The following ANK1 variants were observed in gnomAD, a reference collection of about 807,000 sequenced individuals.
The protein encoded by ANK1 is ankyrin 1, also known as ankyrin-1.
A neutral mutation model predicts 210.4 loss-of-function variants in ANK1; 51 were observed. The observed-to-expected ratio is 0.24, with a 90% CI of 0.19 to 0.31. The LOEUF (loss-of-function observed/expected upper bound fraction) is 0.31, where lower values mean the gene tolerates loss of function less well. Ranked by LOEUF, ANK1 falls within the 10% of genes least tolerant of loss-of-function variation. The pLI is 1.00. For synonymous variants in ANK1, 967 were observed against 1,025.9 expected (o/e 0.94, Z 1.10); for missense variants, 2,051 against 2,504.4 (o/e 0.82, Z 3.86).
intron 20 of ANK1, among the ~76,000 whole-genome samples, chr8:41,702,998 G>GT (rs1330200210): frequency 6.8e-6 from 1 of 146,580 alleles, no homozygotes; most frequent in East Asian, 2.0e-4. Flanking sequence ...TTTTTTTTTT[G>GT]TATTTTTAGT....
chr8:41,729,643 A>C (rs990718465), intron 3 of ANK1, among the ~76,000 whole-genome samples: 4 of 152,242 alleles, frequency 2.6e-5, no homozygotes, highest in Non-Finnish European at 5.9e-5. Context: ...CTGGTATTAC[A>C]GGCATGGGCC....
At chr8:41,722,308 C>T (rs11991026) in intron 9 of ANK1, among the ~76,000 whole-genome samples, 2,085 of 152,366 alleles carry the variant, frequency 0.014, 54 homozygotes, top group African/African-American at 0.047. Flanking sequence ...CCCAAATTAA[C>T]GACAGCTCTA....
intron 37 of ANK1, among the ~76,000 whole-genome samples, chr8:41,681,099 C>T (rs1352564853): frequency 6.6e-6 from 1 of 152,226 alleles, no homozygotes; most frequent in African/African-American, 2.4e-5. Flanking sequence ...AATAATCGTC[C>T]TGCTAGCTTA....
Position 41,704,131 on chromosome 8 carries a change from G to A in ANK1, c.2205C>T (p.Tyr735=), listed in dbSNP as rs1172440862. ...GCTGGGCTGCCTGGTGCAGGGGGCT[G>A]TATCCTAGCTGCAAAGTGAGCAGAC... ...ADVNAKTKLG[Y]SPLHQAAQQG... The change falls in exon 20 of 43, where the codon TAC becomes TAT. Residue 735 remains tyrosine (Y), a synonymous_variant. Coordinates refer to ENST00000289734, the MANE Select transcript of ANK1 (RefSeq NM_000037.4). The surrounding 1 kb of genome is among the most constrained non-coding windows in gnomAD (Gnocchi z 4.1). 1 of 1,613,896 alleles carries A rather than the reference G, an allele frequency of 6.2e-7. No homozygotes were observed. The highest frequency in any genetic ancestry group is 1.7e-5 in the Admixed American group (1 of 60,028).
At chr8:41,882,845 A>C (rs1381304178) in intron 1 of ANK1, among the ~76,000 whole-genome samples, 1 of 152,348 alleles carries the variant, frequency 6.6e-6, no homozygotes, top group East Asian at 1.9e-4. Flanking sequence ...CCACAGAGGA[A>C]GATGGCTGTG....
chr8:41,854,538 G>C (rs1811829915), intron 1 of ANK1, among the ~76,000 whole-genome samples: 1 of 152,158 alleles, frequency 6.6e-6, no homozygotes, highest in South Asian at 2.1e-4. Context: ...TCACCATAAT[G>C]CTTCGGTGAG....
intron 42 of ANK1, among the ~76,000 whole-genome samples, chr8:41,660,223 T>C (rs1563323780): frequency 6.6e-6 from 1 of 152,094 alleles, no homozygotes; most frequent in Non-Finnish European, 1.5e-5. Context: ...GCCAGTCCTC[T>C]TTTTTGCCCA....
intron 1 of ANK1, among the ~76,000 whole-genome samples, chr8:41,833,929 C>A (rs1807137670): frequency 6.6e-6 from 1 of 152,164 alleles, no homozygotes; most frequent in Non-Finnish European, 1.5e-5. Context: ...AGAGGTCAGC[C>A]AGGAAGAGGC....
chr8:41,716,961 T>C lies in ANK1; in HGVS notation c.1396A>G (p.Lys466Glu). The change falls in exon 13 of 43, where the codon AAG becomes GAG. Residue 466 changes from lysine to glutamate, a missense_variant. By Grantham distance (56) the Lys-to-Glu change is moderately conservative. Coordinates refer to ENST00000289734, the MANE Select transcript of ANK1 (RefSeq NM_000037.4). ...LLQNKAKVNA[K>E]AKDDQTPLHC... ...CTGCCTTCACTACTCACCTTGGCCTTGGCATTGACTTTGGCTTTGTTCTGG... is the reference window on the plus strand; with the variant it reads ...CTGCCTTCACTACTCACCTTGGCCTCGGCATTGACTTTGGCTTTGTTCTGG... 6.2e-7 allele frequency: 1 copy of C among 1,614,116 alleles called. No homozygotes were observed. The highest frequency in any genetic ancestry group is 8.5e-7 in the Non-Finnish European group (1 of 1,180,026).
intron 4 of ANK1, among the ~76,000 whole-genome samples, chr8:41,727,701 C>T (rs1586508700): frequency 6.6e-6 from 1 of 152,312 alleles, no homozygotes; most frequent in East Asian, 1.9e-4. Flanking sequence ...AATTCAACCC[C>T]GTCATGCTTA....
At chr8:41,896,664 G>T (rs1013589774) in exon 1 of ANK1, 1 of 727,004 alleles carries the variant, frequency 1.4e-6, no homozygotes, top group Non-Finnish European at 1.8e-6. Flanking sequence ...CGCGGAGGGC[G>T]AGGGGCGGCT....
In ANK1 at chr8:41,794,865, T is replaced by C. The variant is rs184749162; in HGVS notation, c.27+2647A>G. On this transcript the variant is annotated intron_variant, in intron 1 of 42. Coordinates refer to ENST00000289734, the MANE Select transcript of ANK1 (RefSeq NM_000037.4). ...GACTACAGGCACACGCCACCACGCC[T>C]GGCTAATTTTTTTTATTTTTAACAG... Among the ~76,000 whole-genome samples, 150 of 152,232 alleles carry C rather than the reference T, an allele frequency of 9.9e-4. 2 individuals are homozygous for C. The East Asian group carries it at 0.027, about 28-fold the overall frequency.
chr8:41,724,724 T>C (rs908507142), intron 6 of ANK1, among the ~76,000 whole-genome samples, 170 bp from the exon 7 acceptor site: 20 of 152,136 alleles, frequency 1.3e-4, no homozygotes, highest in African/African-American at 4.6e-4. Context: ...TATGGCACAG[T>C]GTATTCAAAA....
intron 1 of ANK1, among the ~76,000 whole-genome samples, chr8:41,814,831 T>C (rs1803075415): frequency 6.6e-6 from 1 of 152,276 alleles, no homozygotes; most frequent in East Asian, 1.9e-4. Flanking sequence ...AGGAATTGCA[T>C]GTAATAACGT....
chr8:41,831,639 C>CAAAAAAAAAAAAAAAAAAA (rs143137281), intron 1 of ANK1, among the ~76,000 whole-genome samples: 1 of 58,444 alleles, frequency 1.7e-5, no homozygotes, highest in Non-Finnish European at 3.5e-5. Context: ...AAAAGTCTGT[C>CAAAAAAAAAAAAAAAAAAA]AAAAAAAAAA....
At chr8:41,727,876 A>T (rs1161947305) in intron 4 of ANK1, 32 bp downstream of exon 4, 1 of 1,609,578 alleles carries the variant, frequency 6.2e-7, no homozygotes, top group South Asian at 1.1e-5. Flanking sequence ...TGGAAAGGCA[A>T]CACCCTCTAG....
chr8:41,875,635 G>C (rs1044679888), intron 1 of ANK1, among the ~76,000 whole-genome samples: 9 of 152,192 alleles, frequency 5.9e-5, no homozygotes, highest in African/African-American at 1.9e-4. Context: ...CCAGGGATGC[G>C]TGAGTGATGA....
chr8:41,721,855 GAA>G (rs1311828863), intron 9 of ANK1, among the ~76,000 whole-genome samples: 4 of 152,086 alleles, frequency 2.6e-5, no homozygotes, highest in Non-Finnish European at 5.9e-5. Flanking sequence ...GTTCCCAATT[GAA>G]AAGTCACATA....
intron 42 of ANK1, among the ~76,000 whole-genome samples, chr8:41,659,908 C>T (rs969753616): frequency 6.6e-6 from 1 of 152,138 alleles, no homozygotes; most frequent in African/African-American, 2.4e-5. Context: ...TTCCCCCTAG[C>T]CTGGCTTTCG....
Sources: gnomAD v4.1 joint callset for allele counts (sites outside exome capture counted in the v4.1 genomes callset) on GRCh38, gnomAD v4.1.1 for gene constraint, Gnocchi (gnomAD v3.1) non-coding constraint, MANE v1.5 for transcripts, NCBI Gene and HGNC (gene_info 2026-07-23, HGNC 2026-07-21) for gene names.